Variants in CLDN10 observed in about 807,000 individuals in gnomAD.
CLDN10 encodes the protein claudin 10.
Under a neutral mutation model 22.9 loss-of-function variants are expected in CLDN10, and 15 were observed. The observed-to-expected ratio is 0.65, with a 90% CI of 0.44 to 1.01. CLDN10 has a LOEUF of 1.01. Among genes scored for constraint, CLDN10 ranks in the 50% least tolerant of loss-of-function variants. The pLI, the probability that CLDN10 is intolerant of heterozygous loss-of-function variation, is 0.00. For synonymous variants in CLDN10, 114 were observed against 111.4 expected, an observed-to-expected ratio of 1.02 and a Z score of -0.15; for missense variants, 247 against 287.8, an observed-to-expected ratio of 0.86 and a Z score of 1.03.
intron 1 of CLDN10, among the ~76,000 whole-genome samples, chr13:95,541,309 AG>A (rs1246839953): frequency 6.6e-6 from 1 of 152,230 alleles, no homozygotes; most frequent in Non-Finnish European, 1.5e-5. Context: ...ACTATACGCA[AG>A]TGAGCATAAT....
At chr13:95,510,822 G>A (rs2043088532) in intron 1 of CLDN10, among the ~76,000 whole-genome samples, 1 of 152,098 alleles carries the variant, frequency 6.6e-6, no homozygotes, top group Non-Finnish European at 1.5e-5. Flanking sequence ...ATTTGTTGGA[G>A]TGAGTCTCCA....
At chr13:95,468,219 T>TTTTGTTTGTTTGTTTG (rs144985723) in intron 1 of CLDN10, among the ~76,000 whole-genome samples, 14 of 151,352 alleles carry the variant, frequency 9.2e-5, no homozygotes, top group African/African-American at 3.4e-4. Flanking sequence ...TTCTTCCTGT[T>TTTTGTTTGTTTGTTTG]TTTGTTTGTT....
chr13:95,542,628 G>A (rs9516600), intron 1 of CLDN10, among the ~76,000 whole-genome samples: 42,521 of 151,814 alleles, frequency 0.28, 7,106 homozygotes, highest in Non-Finnish European at 0.37. Context: ...CCAACATGAT[G>A]AAACCCCATC....
chr13:95,458,582 G>T (rs2042505509), intron 1 of CLDN10, among the ~76,000 whole-genome samples: 1 of 152,134 alleles, frequency 6.6e-6, no homozygotes, highest in African/African-American at 2.4e-5. Context: ...CAGATCTTGT[G>T]AAAACTCACT....
chr13:95,527,516 G>C (rs1271265088), intron 1 of CLDN10, among the ~76,000 whole-genome samples: 1 of 152,032 alleles, frequency 6.6e-6, no homozygotes, highest in Non-Finnish European at 1.5e-5. Context: ...GATCACCTGA[G>C]GTCAGGAGTT....
At chr13:95,464,097 A>AATAT (rs560024935) in intron 1 of CLDN10, among the ~76,000 whole-genome samples, 2,291 of 148,870 alleles carry the variant, frequency 0.015, 69 homozygotes, top group African/African-American at 0.053. Flanking sequence ...ATTTTTTTTA[A>AATAT]ATATATATAT....
intron 3 of CLDN10, among the ~76,000 whole-genome samples, chr13:95,576,695 A>G (rs149004715): frequency 1.7e-3 from 254 of 152,328 alleles, no homozygotes; most frequent in African/African-American, 5.6e-3. Flanking sequence ...GTCACCTGCC[A>G]TATGGGAGAT....
rs1299506693 is a variant in CLDN10, at chr13:95,525,458, A to T, written c.215-34674A>T. Among the ~76,000 whole-genome samples, 3 of 152,052 alleles carry T rather than the reference A, an allele frequency of 2.0e-5. No individual in the cohort carries two copies. In the East Asian group the frequency reaches 5.8e-4, roughly 29 times the overall value. ...GTGGGTTGTCTACTAACCCCAAATG[A>T]CATGTAAGTGAGTAACAAATAAATC... On this transcript the variant is annotated intron_variant, in intron 1 of 4. Transcript: ENST00000376873.
At chr13:95,482,840 A>T (rs7328095) in intron 1 of CLDN10, among the ~76,000 whole-genome samples, 1 of 151,606 alleles carries the variant, frequency 6.6e-6, no homozygotes, top group African/African-American at 2.4e-5. Context: ...TTAGCTTGGC[A>T]TGGTGGCGTG....
At chr13:95,508,138 T>C (rs1382201132) in intron 1 of CLDN10, among the ~76,000 whole-genome samples, 2 of 152,160 alleles carry the variant, frequency 1.3e-5, no homozygotes, top group Non-Finnish European at 2.9e-5. Context: ...TAAAATTATG[T>C]ATGTAAAGCA....
intron 1 of CLDN10, among the ~76,000 whole-genome samples, chr13:95,449,491 T>C (rs1215185333): frequency 1.3e-5 from 2 of 152,132 alleles, no homozygotes; most frequent in Non-Finnish European, 2.9e-5. Context: ...CCTCAAGTGA[T>C]CCTCCCACCT....
intron 1 of CLDN10, among the ~76,000 whole-genome samples, chr13:95,537,847 G>T (rs774885113): frequency 6.6e-6 from 1 of 152,226 alleles, no homozygotes; most frequent in Non-Finnish European, 1.5e-5. Flanking sequence ...TTGGCTTCCA[G>T]CCCCTAAAAG....
rs145076458 is a variant in CLDN10, at chr13:95,494,315, T to C, written c.214+60268T>C. The stretch of plus-strand genomic sequence containing the variant: ...AATCATGACATTTGCTAAATCCAGT[T>C]GGTATTTACACAAGAGGAAACATCA... On this transcript the variant is annotated intron_variant, in intron 1 of 4. Coordinates refer to the CLDN10 transcript ENST00000376873. 4.5e-4 allele frequency among the ~76,000 whole-genome samples: 69 copies of C among 152,326 alleles called. 1 individual carries two copies. The East Asian group carries it at 0.013, about 29-fold the overall frequency.
upstream of CLDN10, among the ~76,000 whole-genome samples, chr13:95,550,820 CTTTTT>C (rs56225257): frequency 1.3e-4 from 11 of 85,544 alleles, no homozygotes; most frequent in Non-Finnish European, 1.9e-4. Context: ...TAGGAAGATA[CTTTTT>C]TTTTTTTTTT....
At chr13:95,438,200 C>T (rs889362401) in intron 1 of CLDN10, among the ~76,000 whole-genome samples, 1 of 152,138 alleles carries the variant, frequency 6.6e-6, no homozygotes, top group African/African-American at 2.4e-5. Flanking sequence ...ACTATAGGCA[C>T]GTGCCACCAT....
rs746581157 is a variant in CLDN10, at chr13:95,563,563, T to C, written c.464+3100T>C. Among the ~76,000 whole-genome samples, 3 of 152,190 alleles carry C rather than the reference T, an allele frequency of 2.0e-5. No individual in the cohort carries two copies. The South Asian group carries it at 6.2e-4, about 31-fold the overall frequency. On this transcript the variant is annotated intron_variant, in intron 3 of 4. Coordinates refer to ENST00000299339, the MANE Select transcript of CLDN10 (RefSeq NM_006984.5). The stretch of plus-strand genomic sequence containing the variant: ...AACCTGATATTGAGAATGAGTTGAC[T>C]TCTTGAGATTAGGACTTTCTCTCCT...
In CLDN10 at chr13:95,558,466, T is replaced by C. The variant is rs568350239; in HGVS notation, c.221-1666T>C. 1.5e-3 allele frequency among the ~76,000 whole-genome samples: 226 copies of C among 152,356 alleles called. 1 individual carries two copies. The highest frequency in any genetic ancestry group is 3.3e-3 in the Admixed American group (50 of 15,314). On this transcript the variant is annotated intron_variant, in intron 1 of 4. Transcript: ENST00000299339. ...AGCCACGGTGTTAGTGAAATTGTTT[T>C]CTGTATGGAAATATTTCACACTACA...
intron 1 of CLDN10, among the ~76,000 whole-genome samples, chr13:95,488,955 T>TTTC (rs2042838065): frequency 6.8e-6 from 1 of 146,166 alleles, no homozygotes; most frequent in African/African-American, 2.5e-5. Context: ...TTGTTCTTTT[T>TTTC]TTTTTTTTTT....
chr13:95,457,939 G>A (rs980083952), intron 1 of CLDN10, among the ~76,000 whole-genome samples: 1 of 152,126 alleles, frequency 6.6e-6, no homozygotes, highest in South Asian at 2.1e-4. Context: ...CAACAATAAT[G>A]AACATTCATT....
Sources: allele counts gnomAD v4.1 joint callset (sites outside exome capture counted in the v4.1 genomes callset), GRCh38; gene constraint gnomAD v4.1.1; transcripts MANE v1.5; gene names NCBI Gene and HGNC (gene_info 2026-07-23, HGNC 2026-07-21).